Variants in EFCAB6 observed in about 807,000 individuals in gnomAD.
EFCAB6 encodes EF-hand calcium-binding domain-containing protein 6.
EFCAB6 carries 156 observed loss-of-function variants against 169.8 expected under a neutral mutation model. The ratio of observed to expected loss-of-function variants is 0.92; its 90% confidence interval spans 0.81 to 1.05. The LOEUF (loss-of-function observed/expected upper bound fraction) is 1.05. EFCAB6 is among the 50% of genes least tolerant of loss of function. The pLI, the probability that EFCAB6 is intolerant of heterozygous loss-of-function variation, is 0.00. For synonymous variants in EFCAB6, 698 were observed against 676.4 expected (o/e 1.03, Z -0.50); for missense variants, 1,800 against 1,829.1 (o/e 0.98, Z 0.29).
At chr22:43,642,146 G>A (rs2055847515) in intron 17 of EFCAB6, among the ~76,000 whole-genome samples, 1 of 151,996 alleles carries the variant, frequency 6.6e-6, no homozygotes, top group African/African-American at 2.4e-5. Context: ...TCTCCATGTT[G>A]GTCAGGCTGG....
chr22:43,730,578 A>G (rs1022705776), intron 8 of EFCAB6, among the ~76,000 whole-genome samples: 3 of 152,128 alleles, frequency 2.0e-5, no homozygotes, highest in Admixed American at 6.5e-5. Context: ...GCATCTATAT[A>G]AACCCATTTT....
At chr22:43,793,414 T>C (rs2062382136) in intron 2 of EFCAB6, among the ~76,000 whole-genome samples, 1 of 152,200 alleles carries the variant, frequency 6.6e-6, no homozygotes, top group Non-Finnish European at 1.5e-5. Flanking sequence ...GTGTTCTACC[T>C]AAACATTCTT....
At chr22:43,772,210 T>C (rs2061493860) in intron 4 of EFCAB6, among the ~76,000 whole-genome samples, 2 of 152,330 alleles carry the variant, frequency 1.3e-5, no homozygotes, top group Admixed American at 1.3e-4. Flanking sequence ...GTCTGACTTA[T>C]CTGCACCGCA....
intron 6 of EFCAB6, among the ~76,000 whole-genome samples, chr22:43,737,406 G>A (rs2060182297): frequency 7.1e-6 from 1 of 140,600 alleles, no homozygotes; most frequent in South Asian, 2.3e-4. Flanking sequence ...ACACACACAT[G>A]CACAGATACA....
chr22:43,537,189 G>A lies in EFCAB6; in HGVS notation c.4048+188C>T. 1.6e-6 allele frequency: 1 copy of A among 623,150 alleles called. No homozygotes were observed. The allele number at this position is 623,150 out of a possible 1,614,324, so 38.6% of individuals were successfully genotyped here. A position where few individuals can be genotyped will look rare whatever the true frequency, so the allele number is the denominator to read the frequency against. ...ATGGGCCCCCTGCTGGGAGGGCCGG[G>A]TAGTCGGAATCCTCCTCCATGGGGA... On this transcript the variant is annotated intron_variant, in intron 29 of 31. Coordinates refer to ENST00000262726, the MANE Select transcript of EFCAB6 (RefSeq NM_022785.4). The surrounding 1 kb of genome is among the most constrained non-coding windows in gnomAD (Gnocchi z 4.3).
At chr22:43,574,243 T>C (rs2050085679) in intron 26 of EFCAB6, among the ~76,000 whole-genome samples, 1 of 151,736 alleles carries the variant, frequency 6.6e-6, no homozygotes, top group African/African-American at 2.4e-5. Flanking sequence ...AATTTAACGT[T>C]AAGTGAAAAA....
chr22:43,624,498 T>C (rs2054357986), intron 20 of EFCAB6, among the ~76,000 whole-genome samples: 1 of 152,110 alleles, frequency 6.6e-6, no homozygotes, highest in Non-Finnish European at 1.5e-5. Context: ...CCTCTCCCCA[T>C]TTCCCAAACG....
chr22:43,643,390 C>G (rs1176318741), intron 17 of EFCAB6, among the ~76,000 whole-genome samples: 1 of 152,234 alleles, frequency 6.6e-6, no homozygotes, highest in Admixed American at 6.5e-5. Flanking sequence ...AACAGAGTAT[C>G]AGGTTCAACT....
chr22:43,679,119 C>T (rs1381198223), intron 12 of EFCAB6, among the ~76,000 whole-genome samples: 1 of 152,142 alleles, frequency 6.6e-6, no homozygotes, highest in South Asian at 2.1e-4. Context: ...GTTTCAGCAC[C>T]CCCAGAAGAA....
At chr22:43,542,356 G>A (rs1180931190) in intron 27 of EFCAB6, among the ~76,000 whole-genome samples, 1 of 152,204 alleles carries the variant, frequency 6.6e-6, no homozygotes. Flanking sequence ...GAGACAGGAG[G>A]ATCACCTGAG....
chr22:43,600,649 T>A (rs200321429), intron 22 of EFCAB6, among the ~76,000 whole-genome samples: 1 of 36,272 alleles, frequency 2.8e-5, no homozygotes, highest in East Asian at 1.4e-3. Flanking sequence ...TTTAGCAGGG[T>A]TTTTTTTTTG....
At position 43,572,675 on chromosome 22, in the gene EFCAB6, C is replaced by T. The variant is rs1338498421; in HGVS notation, c.3420+3622G>A. On this transcript the variant is annotated intron_variant, in intron 26 of 31. Coordinates refer to ENST00000262726, the MANE Select transcript of EFCAB6 (RefSeq NM_022785.4). The surrounding 1 kb of genome is among the most constrained non-coding windows in gnomAD (Gnocchi z 4.0). Reference sequence around the variant, plus strand: ...GTCACTGCTCACTCCCTCCCCTCCTCGTCGCTCGGATGTCACCCCTCGACA... The same window carrying T: ...GTCACTGCTCACTCCCTCCCCTCCTTGTCGCTCGGATGTCACCCCTCGACA... Among the ~76,000 whole-genome samples the T allele has an allele frequency of 6.6e-6, 1 of 152,166 alleles. No individual in the cohort carries two copies. Among genetic ancestry groups the T allele is most frequent in the Non-Finnish European group, 1.5e-5 (1 of 68,020 alleles).
At position 43,532,687 on chromosome 22, in the gene EFCAB6, C is replaced by T. The variant is rs368647651; in HGVS notation, c.4234-1723G>A. 2.0e-4 allele frequency among the ~76,000 whole-genome samples: 30 copies of T among 152,054 alleles called. 1 individual carries two copies. The highest frequency in any genetic ancestry group is 7.2e-4 in the African/African-American group (30 of 41,438). ...TGGAACCTGATTTTGCACAAAATTG[C>T]AAAACTAGCTGTGAAGAAACTTTCT... On this transcript the variant is annotated intron_variant, in intron 30 of 31. Transcript: ENST00000262726.
rs13347205 is a variant in EFCAB6, at chr22:43,656,344, T to C, written c.1983+10760A>G. Among the ~76,000 whole-genome samples, 757 of 151,864 alleles carry C rather than the reference T, an allele frequency of 5.0e-3. 10 individuals carry two copies. Among genetic ancestry groups the C allele is most frequent in the African/African-American group, 0.017 (714 of 41,432 alleles). On this transcript the variant is annotated intron_variant, in intron 17 of 31. Coordinates refer to ENST00000262726, the MANE Select transcript of EFCAB6 (RefSeq NM_022785.4). The stretch of plus-strand genomic sequence containing the variant: ...GGCGGAGATTTGCAGTGAGCCAAGA[T>C]TGCTGCCATTGCACTCCAGCCTGGG...
At chr22:43,659,485 C>A (rs552280226) in intron 17 of EFCAB6, among the ~76,000 whole-genome samples, 1 of 152,042 alleles carries the variant, frequency 6.6e-6, no homozygotes, top group East Asian at 1.9e-4. Flanking sequence ...ATAGTGAGAC[C>A]TCATCTCTAC....
At chr22:43,675,402 A>AATATACTATATTATACTATAATATATAAT (rs2057699485) in intron 13 of EFCAB6, among the ~76,000 whole-genome samples, 1 of 131,608 alleles carries the variant, frequency 7.6e-6, no homozygotes, top group African/African-American at 2.8e-5. Flanking sequence ...TATATAATAT[A>AATATACTATATTATACTATAATATATAAT]ATATAGGATT....
At chr22:43,806,466 G>A (rs1204853534) in intron 2 of EFCAB6, among the ~76,000 whole-genome samples, 4 of 151,968 alleles carry the variant, frequency 2.6e-5, no homozygotes, top group African/African-American at 9.7e-5. Flanking sequence ...GGCTGGTCTC[G>A]AATTTCTGGG....
intron 5 of EFCAB6, among the ~76,000 whole-genome samples, chr22:43,758,311 T>C (rs966778049): frequency 2.0e-5 from 3 of 152,176 alleles, no homozygotes; most frequent in Non-Finnish European, 2.9e-5. Flanking sequence ...GTAGTATCTG[T>C]TGTAGATTTT....
intron 17 of EFCAB6, among the ~76,000 whole-genome samples, chr22:43,646,447 A>T (rs2056161239): frequency 6.6e-6 from 1 of 152,248 alleles, no homozygotes. Flanking sequence ...AAATACAAAA[A>T]GGAAGAACAC....
Sources: allele counts gnomAD v4.1 joint callset (sites outside exome capture counted in the v4.1 genomes callset), GRCh38; gene constraint gnomAD v4.1.1; non-coding constraint Gnocchi (gnomAD v3.1); transcripts MANE v1.5; gene names NCBI Gene and HGNC (gene_info 2026-07-23, HGNC 2026-07-21).